C1QTNF3: variants seen among roughly 807,000 people sequenced by gnomAD.
C1QTNF3 encodes complement C1q tumor necrosis factor-related protein 3.
C1QTNF3 carries 26 observed loss-of-function variants against 32.6 expected under a neutral mutation model. That is an observed-to-expected ratio of 0.80 (90% CI 0.58 to 1.11). C1QTNF3 has a LOEUF of 1.11. C1QTNF3 is among the 50% of genes least tolerant of loss of function. C1QTNF3 has a pLI of 0.00. For missense variants in C1QTNF3, 362 were observed against 398.2 expected, an observed-to-expected ratio of 0.91 and a Z score of 0.77; for synonymous variants, 155 against 146.0, an observed-to-expected ratio of 1.06 and a Z score of -0.44.
chr5:34,129,215 A>T, the C1QTNF3 span, among the ~76,000 whole-genome samples: 3 of 152,104 alleles, frequency 2.0e-5, no homozygotes, highest in Non-Finnish European at 4.4e-5. Flanking sequence ...AGCCTCAGGA[A>T]CTGTGTGTCA....
chr5:34,028,809 G>C lies in C1QTNF3; in HGVS notation c.645C>G (p.Thr215=). The change falls in exon 4 of 6, where the codon ACC becomes ACG. Residue 215 remains threonine (T), a synonymous_variant. Transcript: ENST00000382065. ...TGACATCAAAGAAGTTTCCAATGTT[G>C]GTCTCAACACTGCTGAAGATAATCC... ...NSGIIFSSVE[T]NIGNFFDVMT... The C allele has an allele frequency of 3.1e-6, 5 of 1,612,422 alleles. No individual in the cohort carries two copies. The highest frequency in any genetic ancestry group is 1.1e-5 in the South Asian group (1 of 90,828).
chr5:34,194,907 C>G, the C1QTNF3 span, among the ~76,000 whole-genome samples: 3 of 148,014 alleles, frequency 2.0e-5, no homozygotes, highest in East Asian at 2.0e-4. Flanking sequence ...AGTTATTGTA[C>G]TATATTGTGT....
chr5:34,050,227 A>C, the C1QTNF3 span, among the ~76,000 whole-genome samples: 1 of 151,826 alleles, frequency 6.6e-6, no homozygotes, highest in Non-Finnish European at 1.5e-5. Context: ...GGTTCCATAG[A>C]CCTCTCCACC....
Position 34,035,736 on chromosome 5 carries a change from G to T in C1QTNF3, c.326C>A (p.Pro109His). The change falls in exon 2 of 6, where the codon CCC (proline) becomes CAC (histidine). Residue 109 changes from proline to histidine, a missense_variant. Transcript: ENST00000382065. ...WGQSPQTGGL[P>H]PDCSKCCHGD... is the part of the protein sequence containing the mutation. Reference sequence around the variant, plus strand: ...ATGACAACACTTACTGCAGTCTGGGGGTAGTCCTCCGGTTTGTGGAGACTA... The same window carrying T: ...ATGACAACACTTACTGCAGTCTGGGTGTAGTCCTCCGGTTTGTGGAGACTA... The T allele has an allele frequency of 2.5e-6, 4 of 1,613,064 alleles. No homozygotes were observed. The highest frequency in any genetic ancestry group is 3.4e-6 in the Non-Finnish European group (4 of 1,179,682).
At position 34,043,002 on chromosome 5, in the gene C1QTNF3, G is replaced by C; in HGVS notation, c.124C>G (p.Gln42Glu). 6.2e-7 allele frequency: 1 copy of C among 1,614,172 alleles called. No individual in the cohort carries two copies. Among genetic ancestry groups the C allele is most frequent in the Non-Finnish European group, 8.5e-7 (1 of 1,180,032 alleles). ...CTACGGCCAGTCTGCTGGTGGCTTT[G>C]CACTATTCTTGCCACCACTTTATTA... is the stretch of plus-strand genomic sequence containing the variant. ...RTNKVVARIV[Q>E]SHQQTGRSGS... The change falls in exon 1 of 6, where the codon CAA becomes GAA. Residue 42 changes from glutamine to glutamate, a missense_variant. By Grantham distance (29) the Gln-to-Glu change is conservative. Coordinates refer to ENST00000382065, the MANE Select transcript of C1QTNF3 (RefSeq NM_181435.6).
the C1QTNF3 span, among the ~76,000 whole-genome samples, chr5:34,212,053 G>C: frequency 6.6e-6 from 1 of 152,186 alleles, no homozygotes; most frequent in South Asian, 2.1e-4. Context: ...TACCAAAACA[G>C]AGATATAGAT....
chr5:34,056,009 A>G, the C1QTNF3 span, among the ~76,000 whole-genome samples: 1 of 152,228 alleles, frequency 6.6e-6, no homozygotes, highest in South Asian at 2.1e-4. Context: ...TGCATCACCT[A>G]CCCTAGTCAT....
At chr5:34,046,890 GAA>G (rs1164124187), upstream of C1QTNF3, among the ~76,000 whole-genome samples, 3 of 152,184 alleles carry the variant, frequency 2.0e-5, no homozygotes, top group African/African-American at 7.2e-5. Flanking sequence ...GGGCCAGAGA[GAA>G]GAGTCCCTCA....
chr5:34,070,971 G>C, the C1QTNF3 span, among the ~76,000 whole-genome samples: 1 of 152,148 alleles, frequency 6.6e-6, no homozygotes, highest in Non-Finnish European at 1.5e-5. Context: ...TTGTCAATAA[G>C]CATTAGCTAT....
At chr5:34,078,972 C>T in the C1QTNF3 span, among the ~76,000 whole-genome samples, 4 of 151,616 alleles carry the variant, frequency 2.6e-5, no homozygotes, top group Admixed American at 6.6e-5. This position sits in a 1 kb window ranked among gnomAD's most constrained non-coding sequence, Gnocchi z 4.0. Flanking sequence ...TTTCCATCTG[C>T]GTTCATCTAT....
the C1QTNF3 span, among the ~76,000 whole-genome samples, chr5:34,222,929 C>T: frequency 6.6e-6 from 1 of 151,774 alleles, no homozygotes; most frequent in Non-Finnish European, 1.5e-5. Context: ...TTGACTCCCT[C>T]CTTCTTATTA....
chr5:34,063,824 G>A, the C1QTNF3 span, among the ~76,000 whole-genome samples: 5 of 152,268 alleles, frequency 3.3e-5, no homozygotes, highest in African/African-American at 7.2e-5. Context: ...GGCAGGGATC[G>A]GAGGAAGTAG....
At chr5:34,216,357 A>G in the C1QTNF3 span, among the ~76,000 whole-genome samples, 1 of 152,220 alleles carries the variant, frequency 6.6e-6, no homozygotes, top group Admixed American at 6.5e-5. Context: ...AATGCATTTC[A>G]ATCAGCAAAT....
chr5:34,053,458 T>C, the C1QTNF3 span, among the ~76,000 whole-genome samples: 62 of 152,362 alleles, frequency 4.1e-4, no homozygotes, highest in Non-Finnish European at 6.0e-4. Flanking sequence ...GGGGCTCTCA[T>C]CTTTCAGAGC....
At chr5:34,231,700 G>C in the C1QTNF3 span, among the ~76,000 whole-genome samples, 1 of 152,070 alleles carries the variant, frequency 6.6e-6, no homozygotes, top group African/African-American at 2.4e-5. Context: ...GTTGAGGTTT[G>C]GGAACCTCCA....
chr5:34,060,296 A>C, the C1QTNF3 span, among the ~76,000 whole-genome samples: 8 of 152,184 alleles, frequency 5.3e-5, no homozygotes, highest in Admixed American at 6.5e-5. Context: ...GTGCTCACAC[A>C]AACCTAGATG....
chr5:34,216,184 T>C, the C1QTNF3 span, among the ~76,000 whole-genome samples: 3 of 152,214 alleles, frequency 2.0e-5, no homozygotes, highest in South Asian at 4.1e-4. Flanking sequence ...ACCACCTTCA[T>C]TGTCTTGTTT....
At chr5:34,129,923 T>C in the C1QTNF3 span, among the ~76,000 whole-genome samples, 2,002 of 152,208 alleles carry the variant, frequency 0.013, 22 homozygotes, top group South Asian at 0.032. Flanking sequence ...ATTTTTTTCC[T>C]TCAGGACCAT....
At chr5:34,137,018 G>A in the C1QTNF3 span, among the ~76,000 whole-genome samples, 1 of 151,682 alleles carries the variant, frequency 6.6e-6, no homozygotes, top group African/African-American at 2.4e-5. Flanking sequence ...CCTGGGGGAG[G>A]GATAGCATTA....
Sources: gnomAD v4.1 joint callset for allele counts (sites outside exome capture counted in the v4.1 genomes callset) on GRCh38, gnomAD v4.1.1 for gene constraint, Gnocchi (gnomAD v3.1) non-coding constraint, MANE v1.5 for transcripts, NCBI Gene and HGNC (gene_info 2026-07-23, HGNC 2026-07-21) for gene names.